The following CA10 variants were observed in gnomAD, a reference collection of about 807,000 sequenced individuals.
CA10 encodes carbonic anhydrase-related protein 10.
In CA10, 14 loss-of-function variants were observed where a neutral mutation model predicts 44.2. That is an observed-to-expected ratio of 0.32 (90% confidence interval 0.21 to 0.50). The LOEUF is 0.50. CA10 is among the 20% of genes least tolerant of loss of function. CA10 has a pLI of 0.99. For synonymous variants in CA10, 159 were observed against 141.6 expected (o/e 1.12, Z -0.87); for missense variants, 350 against 409.7 (o/e 0.85, Z 1.26).
intron 2 of CA10, among the ~76,000 whole-genome samples, chr17:51,977,484 A>ATAGATTTTTTGAG (rs1984503441): frequency 2.6e-5 from 4 of 152,090 alleles, no homozygotes; most frequent in South Asian, 4.1e-4. Context: ...ATTTTTAAAA[A>ATAGATTTTTTGAG]CTAAACAGTC....
intron 2 of CA10, among the ~76,000 whole-genome samples, chr17:51,989,640 T>C (rs1375239890): frequency 1.3e-5 from 2 of 152,096 alleles, no homozygotes; most frequent in Non-Finnish European, 2.9e-5. Context: ...AATGAGATCA[T>C]GTCCTTTACA....
intron 4 of CA10, among the ~76,000 whole-genome samples, chr17:51,691,143 T>A (rs933587852): frequency 2.0e-5 from 3 of 152,258 alleles, no homozygotes; most frequent in Non-Finnish European, 4.4e-5. Context: ...TGAAGAATCT[T>A]CATACTGTTT....
chr17:52,014,532 A>G (rs1011781995), intron 2 of CA10, among the ~76,000 whole-genome samples: 2 of 152,178 alleles, frequency 1.3e-5, no homozygotes, highest in African/African-American at 4.8e-5. Context: ...GAGAAGTATA[A>G]TATTTTTATA....
At chr17:51,774,625 G>C (rs1002472051) in intron 3 of CA10, among the ~76,000 whole-genome samples, 5 of 151,838 alleles carry the variant, frequency 3.3e-5, no homozygotes, top group African/African-American at 1.2e-4. Context: ...TGTATTTTTA[G>C]TAGAGACGGG....
At chr17:51,655,684 C>T (rs1913767656) in intron 4 of CA10, among the ~76,000 whole-genome samples, 1 of 152,204 alleles carries the variant, frequency 6.6e-6, no homozygotes, top group African/African-American at 2.4e-5. Context: ...GACTTCAGAA[C>T]AAGTGGAACA....
At chr17:51,875,721 C>T (rs1351760875) in intron 3 of CA10, among the ~76,000 whole-genome samples, 1 of 151,930 alleles carries the variant, frequency 6.6e-6, no homozygotes, top group Non-Finnish European at 1.5e-5. Context: ...AGTTTTAGTA[C>T]ATGTGGATTA....
chr17:51,864,908 G>A (rs1443417719), intron 3 of CA10, among the ~76,000 whole-genome samples: 8 of 152,196 alleles, frequency 5.3e-5, no homozygotes, highest in Admixed American at 4.6e-4. Flanking sequence ...AAGGTTTGAG[G>A]AGTGCAGTTT....
chr17:51,855,295 T>C (rs923736480), intron 3 of CA10, among the ~76,000 whole-genome samples: 12 of 152,274 alleles, frequency 7.9e-5, no homozygotes, highest in Admixed American at 5.2e-4. Context: ...CTTATTACTA[T>C]ACAGAAAAGC....
intron 2 of CA10, among the ~76,000 whole-genome samples, chr17:51,988,961 T>C (rs141419006): frequency 1.1e-4 from 17 of 152,170 alleles, no homozygotes; most frequent in African/African-American, 3.1e-4. Flanking sequence ...TTCACACTTA[T>C]AGCACATCTC....
At chr17:52,103,536 T>TCTGTGC (rs1455803305) in intron 1 of CA10, among the ~76,000 whole-genome samples, 1 of 152,178 alleles carries the variant, frequency 6.6e-6, no homozygotes, top group East Asian at 1.9e-4. Context: ...AACTCAGTAG[T>TCTGTGC]CTGTGCCTGT....
intron 4 of CA10, among the ~76,000 whole-genome samples, chr17:51,730,073 G>C: frequency 6.6e-6 from 1 of 152,224 alleles, no homozygotes; most frequent in East Asian, 1.9e-4. Flanking sequence ...CAATCCTCTA[G>C]CAGTGGCTCC....
At chr17:51,729,327 G>T (rs887434616) in intron 4 of CA10, among the ~76,000 whole-genome samples, 4 of 151,904 alleles carry the variant, frequency 2.6e-5, no homozygotes, top group African/African-American at 4.8e-5. Flanking sequence ...CTTTTCAGAT[G>T]CTTAAACTTT....
At chr17:51,666,691 A>G (rs974688325) in intron 4 of CA10, among the ~76,000 whole-genome samples, 2 of 110,804 alleles carry the variant, frequency 1.8e-5, no homozygotes, top group Non-Finnish European at 4.0e-5. Context: ...TTGACAAGTT[A>G]AAAGTAATTT....
At chr17:51,679,277 T>TTTG (rs756071314) in intron 4 of CA10, among the ~76,000 whole-genome samples, 2 of 149,552 alleles carry the variant, frequency 1.3e-5, no homozygotes, top group Non-Finnish European at 1.5e-5. Context: ...TTTTTTTTTT[T>TTTG]GGGATGGAGT....
intron 2 of CA10, among the ~76,000 whole-genome samples, chr17:52,029,241 A>ACC (rs1214352018): frequency 1.3e-5 from 2 of 152,066 alleles, no homozygotes; most frequent in Admixed American, 6.6e-5. Context: ...GATCTCCTGG[A>ACC]CCCCCTCTTG....
chr17:51,938,718 G>T (rs981039367), intron 2 of CA10, among the ~76,000 whole-genome samples: 1 of 152,158 alleles, frequency 6.6e-6, no homozygotes, highest in Non-Finnish European at 1.5e-5. Flanking sequence ...CATCACTAAA[G>T]GTAAAGAGAA....
intron 3 of CA10, among the ~76,000 whole-genome samples, chr17:51,859,828 T>C (rs1466459202): frequency 6.6e-6 from 1 of 152,192 alleles, no homozygotes; most frequent in African/African-American, 2.4e-5. Context: ...TCATCATTGT[T>C]GGATCAGTTG....
chr17:52,040,188 C>T (rs1986730600), intron 2 of CA10, among the ~76,000 whole-genome samples: 1 of 138,076 alleles, frequency 7.2e-6, no homozygotes, highest in Non-Finnish European at 1.5e-5. Context: ...CTTTCAAAAT[C>T]AATAACAGAA....
At chr17:51,683,875 G>T (rs2143398849) in intron 4 of CA10, among the ~76,000 whole-genome samples, 2 of 152,258 alleles carry the variant, frequency 1.3e-5, no homozygotes, top group Middle Eastern at 6.8e-3. Flanking sequence ...ATTGGGGGTT[G>T]CCTAGATCAC....
Sources: allele counts gnomAD v4.1 joint callset (sites outside exome capture counted in the v4.1 genomes callset), GRCh38; gene constraint gnomAD v4.1.1; transcripts MANE v1.5; gene names NCBI Gene and HGNC (gene_info 2026-07-23, HGNC 2026-07-21).